The following CAMK2A variants were observed in gnomAD, a reference collection of about 807,000 sequenced individuals.
CAMK2A encodes the protein calcium/calmodulin-dependent protein kinase type II subunit alpha.
A neutral mutation model predicts 79.2 loss-of-function variants in CAMK2A; 7 were observed. That is an observed-to-expected ratio of 0.09 (90% CI 0.05 to 0.17). The LOEUF (loss-of-function observed/expected upper bound fraction) is 0.17, where lower values mean the gene tolerates loss of function less well. CAMK2A is among the 10% of genes least tolerant of loss of function. The pLI, the probability that CAMK2A is intolerant of heterozygous loss-of-function variation, is 1.00. For synonymous variants in CAMK2A, 242 were observed against 251.7 expected (o/e 0.96, Z 0.36); for missense variants, 214 against 646.4 (o/e 0.33, Z 7.25).
At chr5:150,253,957 CG>C (rs1333089046) in intron 6 of CAMK2A, among the ~76,000 whole-genome samples, 2 of 152,204 alleles carry the variant, frequency 1.3e-5, no homozygotes, top group African/African-American at 4.8e-5. Flanking sequence ...ACGACCCTTT[CG>C]GGTAGGTATT....
At chr5:150,247,648 A>G in intron 12 of CAMK2A, 124 bp downstream of exon 12, 1 of 721,820 alleles carries the variant, frequency 1.4e-6, no homozygotes, top group Non-Finnish European at 2.3e-6. Flanking sequence ...CCTTAGTCAC[A>G]GAGTCCTCTA....
intron 13 of CAMK2A, among the ~76,000 whole-genome samples, chr5:150,240,726 C>T (rs898514547): frequency 2.0e-5 from 3 of 152,228 alleles, no homozygotes; most frequent in African/African-American, 7.2e-5. Flanking sequence ...CAAGGCCTCG[C>T]GGCAAGCCAC....
intron 7 of CAMK2A, 133 bp from the exon 8 acceptor site, chr5:150,252,198 G>T: frequency 1.4e-6 from 1 of 698,790 alleles, no homozygotes. Context: ...CCCCTCAGGT[G>T]CACTTGGGCT....
intron 1 of CAMK2A, among the ~76,000 whole-genome samples, chr5:150,278,959 C>T (rs771503437): frequency 1.3e-4 from 20 of 152,032 alleles, no homozygotes; most frequent in African/African-American, 2.4e-4. Context: ...AGGCAGACAC[C>T]GGAGGAACCA....
At chr5:150,279,008 G>A (rs1757096202) in intron 1 of CAMK2A, among the ~76,000 whole-genome samples, 1 of 152,178 alleles carries the variant, frequency 6.6e-6, no homozygotes. Context: ...ACTTGGGCAA[G>A]AACCAGCCCC....
At chr5:150,238,408 T>C (rs1755181151) in intron 15 of CAMK2A, 1 of 276,744 alleles carries the variant, frequency 3.6e-6, no homozygotes. Context: ...GCCGAGATCG[T>C]GCCACTGCAC....
Position 150,245,199 on chromosome 5 carries a change from C to T in CAMK2A, c.946G>A (p.Gly316Arg), listed in dbSNP as rs1158829901. ...CTCTTCTTGTTTCCCCCACTCTTCC[C>T]TCCTGTGGAGGAGAAAAAGTAGAGG... ...TMLATRNFSG[G>R]KSGGNKKSDG... Residue 316 changes from glycine to arginine, a missense_variant and splice_region_variant, in exon 13 of 19, where the codon GGG (glycine) becomes AGG (arginine). Transcript: ENST00000671881. 1 of 1,613,896 alleles carries T rather than the reference C, an allele frequency of 6.2e-7. No homozygotes were observed. Among genetic ancestry groups the T allele is most frequent in the African/African-American group, 1.3e-5 (1 of 74,938 alleles).
chr5:150,283,775 G>T (rs1757309556), intron 1 of CAMK2A, among the ~76,000 whole-genome samples: 1 of 152,212 alleles, frequency 6.6e-6, no homozygotes, highest in Non-Finnish European at 1.5e-5. Flanking sequence ...CTTAAGTCTT[G>T]CATGTGGTGC....
At chr5:150,229,297 G>A (rs759252460) in intron 16 of CAMK2A, among the ~76,000 whole-genome samples, 48 of 152,198 alleles carry the variant, frequency 3.2e-4, no homozygotes, top group Non-Finnish European at 6.2e-4. Flanking sequence ...GGGGCTGGGG[G>A]ACTGTGCTCA....
chr5:150,244,290 G>A (rs894303064), intron 13 of CAMK2A, among the ~76,000 whole-genome samples: 6 of 152,142 alleles, frequency 3.9e-5, no homozygotes, highest in African/African-American at 4.8e-5. Context: ...CAAAACCAGC[G>A]GCCAGAGACC....
chr5:150,273,441 G>A lies in CAMK2A; in HGVS notation c.63-282C>T, dbSNP rs3797616. Among the ~76,000 whole-genome samples the A allele has an allele frequency of 0.011, 1,650 of 152,330 alleles. 47 individuals carry two copies. In the East Asian group the frequency reaches 0.12, roughly 11 times the overall value. ...TCATGCTGTAAAACATTAGAATCAC[G>A]TAGTGTTAGAACCGTGGAATCCAGG... On this transcript the variant is annotated intron_variant, in intron 1 of 18. Coordinates refer to ENST00000671881, the MANE Select transcript of CAMK2A (RefSeq NM_015981.4).
intron 9 of CAMK2A, 66 bp from the exon 10 acceptor site, chr5:150,250,876 CCT>C: frequency 1.3e-6 from 2 of 1,579,276 alleles, no homozygotes; most frequent in Non-Finnish European, 1.7e-6. Context: ...TCCCCCAGCC[CCT>C]GACTGGCAGG....
At chr5:150,265,979 G>A (rs1756496928) in intron 2 of CAMK2A, among the ~76,000 whole-genome samples, 2 of 151,910 alleles carry the variant, frequency 1.3e-5, no homozygotes, top group Non-Finnish European at 2.9e-5. Context: ...ATAACCACAT[G>A]AAAGAATAAA....
intron 13 of CAMK2A, among the ~76,000 whole-genome samples, chr5:150,242,676 A>G (rs1755400053): frequency 6.6e-6 from 1 of 152,138 alleles, no homozygotes; most frequent in South Asian, 2.1e-4. Flanking sequence ...GGCCTGGGTC[A>G]CCCAGGGGGA....
chr5:150,257,267 T>C (rs1418166447), intron 4 of CAMK2A, among the ~76,000 whole-genome samples: 1 of 151,880 alleles, frequency 6.6e-6, no homozygotes, highest in East Asian at 1.9e-4. Context: ...GAATCAACAC[T>C]CCTCAAAAAA....
In CAMK2A at chr5:150,226,729, A is replaced by G. The variant is rs1754613632; in HGVS notation, c.1237+1463T>C. On this transcript the variant is annotated intron_variant, in intron 17 of 18. Transcript: ENST00000671881. ...TCCAGCCTGGGCAAGAGTGAGACTC[A>G]GTCAAAAAAAAAAAAGGGGGGGGGG... Among the ~76,000 whole-genome samples the G allele has an allele frequency of 3.8e-5, 3 of 78,268 alleles. No individual in the cohort carries two copies. In the Admixed American group the frequency reaches 4.9e-4, roughly 13 times the overall value. The allele number at this position is 78,268 out of a possible 152,430, so 51.3% of individuals were successfully genotyped here. A position where few individuals can be genotyped will look rare whatever the true frequency, so the allele number is the denominator to read the frequency against.
intron 12 of CAMK2A, among the ~76,000 whole-genome samples, chr5:150,247,498 C>T (rs913785679): frequency 4.6e-5 from 7 of 152,242 alleles, no homozygotes; most frequent in African/African-American, 7.2e-5. Context: ...CCCCTCTAGG[C>T]GGCCCAGCCT....
chr5:150,230,955 C>T (rs1008102009), intron 16 of CAMK2A, among the ~76,000 whole-genome samples: 5 of 152,162 alleles, frequency 3.3e-5, no homozygotes, highest in African/African-American at 1.2e-4. Flanking sequence ...TGCCTCCCTT[C>T]CCACCTTCCC....
In CAMK2A at chr5:150,289,622, C is replaced by T. The variant is rs757273062; in HGVS notation, c.4G>A (p.Ala2Thr). 6.2e-7 allele frequency: 1 copy of T among 1,613,648 alleles called. No individual in the cohort carries two copies. Among genetic ancestry groups the T allele is most frequent in the Non-Finnish European group, 8.5e-7 (1 of 1,179,732 alleles). The change falls in exon 1 of 19, where the codon GCC becomes ACC. Residue 2 changes from alanine (A) to threonine (T), a missense_variant. By Grantham distance (58) the Ala-to-Thr change is moderately conservative. Transcript: ENST00000671881. ...GTGAAGCGGGTGCAGGTGATGGTGG[C>T]CATCCTGGCGCTGGGCAGGCAGGTG... Reference protein sequence around the residue: MATITCTRFTEE... With the variant: MTTITCTRFTEE...
Sources: gnomAD v4.1 joint callset for allele counts (sites outside exome capture counted in the v4.1 genomes callset) on GRCh38, gnomAD v4.1.1 for gene constraint, MANE v1.5 for transcripts, NCBI Gene and HGNC (gene_info 2026-07-23, HGNC 2026-07-21) for gene names.